GABBR2: variants seen among roughly 807,000 people sequenced by gnomAD.
GABBR2 encodes the protein gamma-aminobutyric acid type B receptor subunit 2, also known as G-protein coupled receptor 51.
In GABBR2, 23 loss-of-function variants were observed where a neutral mutation model predicts 105.6. The ratio of observed to expected loss-of-function variants is 0.22; its 90% CI spans 0.16 to 0.31. GABBR2 has a LOEUF of 0.31. Among genes scored for constraint, GABBR2 ranks in the 10% least tolerant of loss-of-function variants. The probability of loss-of-function intolerance (pLI) is 1.00; values close to 1 mark genes in which losing one functional copy is unlikely to be tolerated. For synonymous variants in GABBR2, 478 were observed against 499.7 expected (o/e 0.96, Z 0.58); for missense variants, 734 against 1,245.5 (o/e 0.59, Z 6.18).
intron 13 of GABBR2, among the ~76,000 whole-genome samples, chr9:98,320,745 G>A (rs976995897): frequency 9.5e-5 from 14 of 147,700 alleles, no homozygotes; most frequent in East Asian, 6.1e-4. Flanking sequence ...ACCAAACACC[G>A]CATATTCTCA....
At chr9:98,520,678 T>C (rs768458767) in intron 3 of GABBR2, among the ~76,000 whole-genome samples, 6 of 152,186 alleles carry the variant, frequency 3.9e-5, no homozygotes, top group Non-Finnish European at 8.8e-5. Context: ...GATGGAAACT[T>C]GGAGGCAGGG....
intron 1 of GABBR2, among the ~76,000 whole-genome samples, chr9:98,624,699 G>A (rs927238901): frequency 5.9e-5 from 9 of 152,194 alleles, no homozygotes; most frequent in South Asian, 2.1e-4. Flanking sequence ...CTGTGGACCC[G>A]CCTAAGGAAC....
intron 7 of GABBR2, among the ~76,000 whole-genome samples, chr9:98,419,075 C>A (rs1000808983): frequency 3.3e-5 from 5 of 152,214 alleles, no homozygotes; most frequent in African/African-American, 9.6e-5. Context: ...TCGCTTTAAG[C>A]CAGGGTGGGC....
chr9:98,563,493 AG>A (rs1443326510), intron 2 of GABBR2, among the ~76,000 whole-genome samples: 5 of 152,208 alleles, frequency 3.3e-5, no homozygotes, highest in East Asian at 3.9e-4. Context: ...AGCGTGGGCC[AG>A]AGGATTGGGC....
At chr9:98,418,551 AAC>A (rs1211835879) in intron 7 of GABBR2, among the ~76,000 whole-genome samples, 366 of 152,042 alleles carry the variant, frequency 2.4e-3, no homozygotes, top group African/African-American at 8.2e-3. Context: ...CAACAACAAC[AAC>A]AAAAAAACCC....
At chr9:98,627,475 A>G (rs889462993) in intron 1 of GABBR2, among the ~76,000 whole-genome samples, 1 of 152,252 alleles carries the variant, frequency 6.6e-6, no homozygotes, top group Non-Finnish European at 1.5e-5. Flanking sequence ...TGCAGGAATC[A>G]TCGGGACATC....
intron 7 of GABBR2, among the ~76,000 whole-genome samples, chr9:98,412,457 C>T (rs1196894593): frequency 6.6e-6 from 1 of 152,212 alleles, no homozygotes; most frequent in Non-Finnish European, 1.5e-5. Flanking sequence ...GAAATAAGAT[C>T]TGTCCTGACA....
At chr9:98,565,083 G>A in intron 2 of GABBR2, among the ~76,000 whole-genome samples, 1 of 152,172 alleles carries the variant, frequency 6.6e-6, no homozygotes, top group Non-Finnish European at 1.5e-5. Context: ...ACCAGACGGG[G>A]AAGGCCACCA....
chr9:98,673,389 A>G (rs1251932780), intron 1 of GABBR2, among the ~76,000 whole-genome samples: 1 of 152,230 alleles, frequency 6.6e-6, no homozygotes, highest in Non-Finnish European at 1.5e-5. Flanking sequence ...GCAGAGGACA[A>G]CTAATGAGGA....
Position 98,406,295 on chromosome 9 carries a change from A to G in GABBR2, c.1237-154T>C, listed in dbSNP as rs7020345. Among the ~76,000 whole-genome samples the G allele has an allele frequency of 0.21, 32,689 of 152,298 alleles. 3,651 individuals carry two copies. Among genetic ancestry groups the G allele is most frequent in the Non-Finnish European group, 0.25 (16,806 of 68,014 alleles). On this transcript the variant is annotated intron_variant, in intron 7 of 18. Coordinates refer to ENST00000259455, the MANE Select transcript of GABBR2 (RefSeq NM_005458.8). ...CCCGCTGGACCACAGATGAAAATCA[A>G]ACTAATTGTTTTTAAATTGGTTGTG...
intron 11 of GABBR2, among the ~76,000 whole-genome samples, chr9:98,377,388 A>G (rs1831894766): frequency 6.6e-6 from 1 of 152,180 alleles, no homozygotes; most frequent in Non-Finnish European, 1.5e-5. Flanking sequence ...ATGGTGTATC[A>G]TTTAGGACTT....
intron 1 of GABBR2, among the ~76,000 whole-genome samples, chr9:98,687,726 C>T (rs1830636718): frequency 6.6e-6 from 1 of 152,176 alleles, no homozygotes; most frequent in Non-Finnish European, 1.5e-5. Context: ...TCCACAGGTC[C>T]TTGGCACCAC....
chr9:98,486,161 G>C (rs1827042596), intron 4 of GABBR2, among the ~76,000 whole-genome samples: 1 of 152,130 alleles, frequency 6.6e-6, no homozygotes, highest in Non-Finnish European at 1.5e-5. Flanking sequence ...AAGATGCCAG[G>C]TCACACAAAT....
intron 2 of GABBR2, among the ~76,000 whole-genome samples, chr9:98,566,731 A>T (rs1052815792): frequency 7.2e-6 from 1 of 138,528 alleles, no homozygotes; most frequent in Admixed American, 7.9e-5. Context: ...CTGTAGTCCC[A>T]GCTGCTCAGG....
intron 7 of GABBR2, among the ~76,000 whole-genome samples, chr9:98,453,777 GA>G (rs1307624221): frequency 6.6e-6 from 1 of 152,184 alleles, no homozygotes; most frequent in Non-Finnish European, 1.5e-5. Context: ...ATGAGTCACA[GA>G]GAAGCATTTT....
At chr9:98,568,097 T>C (rs946921933) in intron 2 of GABBR2, among the ~76,000 whole-genome samples, 2 of 152,198 alleles carry the variant, frequency 1.3e-5, no homozygotes, top group Non-Finnish European at 2.9e-5. Flanking sequence ...CAAGCCAGGC[T>C]GGATGCGGGG....
chr9:98,524,233 A>G (rs981420838), intron 3 of GABBR2, among the ~76,000 whole-genome samples: 4 of 152,236 alleles, frequency 2.6e-5, no homozygotes, highest in African/African-American at 9.6e-5. Flanking sequence ...TTCAAAGAGC[A>G]GTTAATTTGT....
intron 2 of GABBR2, among the ~76,000 whole-genome samples, chr9:98,561,549 T>C (rs909856591): frequency 1.2e-4 from 19 of 152,176 alleles, no homozygotes; most frequent in African/African-American, 4.6e-4. Context: ...AAAGCTGTTC[T>C]GGAGAGAAGA....
chr9:98,610,055 C>T (rs1180588306), intron 1 of GABBR2, among the ~76,000 whole-genome samples: 2 of 152,224 alleles, frequency 1.3e-5, no homozygotes, highest in Non-Finnish European at 2.9e-5. Flanking sequence ...AAACCAAACT[C>T]CTGTCCTCCC....
Sources: allele counts gnomAD v4.1 joint callset (sites outside exome capture counted in the v4.1 genomes callset), GRCh38; gene constraint gnomAD v4.1.1; transcripts MANE v1.5; gene names NCBI Gene and HGNC (gene_info 2026-07-23, HGNC 2026-07-21).